TRIM44: variants seen among roughly 807,000 people sequenced by gnomAD.
TRIM44 encodes the protein tripartite motif containing 44.
Under a neutral mutation model 37.4 loss-of-function variants are expected in TRIM44, and 13 were observed. The observed-to-expected ratio is 0.35, with a 90% CI of 0.23 to 0.55. The LOEUF is 0.55. Ranked by LOEUF, TRIM44 falls within the 20% of genes least tolerant of loss-of-function variation. TRIM44 has a pLI of 0.89. For missense variants in TRIM44, 426 were observed against 437.2 expected, an observed-to-expected ratio of 0.97 and a Z score of 0.23; for synonymous variants, 175 against 157.2, an observed-to-expected ratio of 1.11 and a Z score of -0.85.
chr11:35,719,363 G>T (rs1402176957), intron 2 of TRIM44, among the ~76,000 whole-genome samples: 2 of 151,950 alleles, frequency 1.3e-5, no homozygotes, highest in East Asian at 1.9e-4. Flanking sequence ...GTGCTTATTT[G>T]CCATCTGCAT....
intron 2 of TRIM44, among the ~76,000 whole-genome samples, chr11:35,725,029 TAA>T (rs1490853673): frequency 6.7e-6 from 1 of 150,170 alleles, no homozygotes; most frequent in African/African-American, 2.5e-5. Flanking sequence ...GTACTTCCAT[TAA>T]GAGAGGAATG....
rs530642481 is a variant in TRIM44 at position 35,749,840 on chromosome 11, T to G, written c.1007+14395T>G. ...TTGGGAGCTTGACTGACACAGTAAT[T>G]ATGCTGGAAAATGTAATTTTGCCTC... On this transcript the variant is annotated intron_variant, in intron 4 of 4. Transcript: ENST00000299413. Among the ~76,000 whole-genome samples the G allele has an allele frequency of 5.9e-5, 9 of 152,344 alleles. No individual in the cohort carries two copies. The South Asian group carries it at 6.2e-4, about 11-fold the overall frequency.
Position 35,760,184 on chromosome 11 carries a change from C to A in TRIM44, c.1007+24739C>A, listed in dbSNP as rs191211081. 9.8e-4 allele frequency among the ~76,000 whole-genome samples: 150 copies of A among 152,324 alleles called. 1 individual carries two copies. The highest frequency in any genetic ancestry group is 3.4e-3 in the Middle Eastern group (1 of 294). On this transcript the variant is annotated intron_variant, in intron 4 of 4. Transcript: ENST00000299413. The stretch of plus-strand genomic sequence containing the variant: ...CCGCTTTGTTTACCTACTCAAGCCT[C>A]GGTAATGGCAGGTGCCCCTCCCCCA...
rs1590621630 is a variant in TRIM44 at position 35,817,399 on chromosome 11, G to T, written c.*11014G>T. The T allele has an allele frequency of 6.6e-6, 1 of 152,172 alleles. No individual in the cohort carries two copies. The highest frequency in any genetic ancestry group is 6.5e-5 in the Admixed American group (1 of 15,284). The allele number at this position is 152,172 out of a possible 1,614,324, so 9.4% of individuals were successfully genotyped here. ...ACATGCGCCTAAAATGACGGGTAGG[G>T]TCAGAGACATTGGAGGATCTCTCTT... is the stretch of plus-strand genomic sequence containing the variant. On this transcript the variant is annotated 3_prime_UTR_variant, in exon 5 of 5. Transcript: ENST00000299413.
intron 2 of TRIM44, among the ~76,000 whole-genome samples, chr11:35,698,238 A>G (rs562625949): frequency 4.1e-4 from 60 of 146,616 alleles, no homozygotes; most frequent in Middle Eastern, 3.7e-3. Context: ...TAGTGCCACA[A>G]TAAACATACA....
chr11:35,663,007 G>C lies in TRIM44; in HGVS notation c.-105G>C, dbSNP rs1851287323. On this transcript the variant is annotated 5_prime_UTR_variant, in exon 1 of 5. Transcript: ENST00000299413. ...ACGCGGCGCGGTCCAGGCGGGAGGC[G>C]ACTCCCTAGGAAGGGACCCGGGGCG... 3 of 1,416,050 alleles carry C rather than the reference G, an allele frequency of 2.1e-6. No individual in the cohort carries two copies. Among genetic ancestry groups the C allele is most frequent in the Non-Finnish European group, 2.8e-6 (3 of 1,090,624 alleles). 87.7% of individuals were successfully genotyped at this position (1,416,050 alleles called of 1,614,324 possible). A position where few individuals can be genotyped will look rare whatever the true frequency, so the allele number is the denominator to read the frequency against.
At chr11:35,701,259 GT>G (rs930103670) in intron 2 of TRIM44, among the ~76,000 whole-genome samples, 77 of 151,934 alleles carry the variant, frequency 5.1e-4, no homozygotes, top group African/African-American at 1.5e-3. Context: ...AAACAGGTCT[GT>G]TTTTTTTCCC....
intron 4 of TRIM44, among the ~76,000 whole-genome samples, chr11:35,768,427 TTCTG>T (rs1218770424): frequency 6.6e-6 from 1 of 152,132 alleles, no homozygotes; most frequent in East Asian, 1.9e-4. Flanking sequence ...CTCAACCCAG[TTCTG>T]TCTGTTTCCA....
At chr11:35,755,688 G>A (rs1285558668) in intron 4 of TRIM44, among the ~76,000 whole-genome samples, 4 of 152,150 alleles carry the variant, frequency 2.6e-5, no homozygotes, top group Non-Finnish European at 4.4e-5. Flanking sequence ...TGTATAAGGT[G>A]TAAGGAAGGG....
rs550159922 is a variant in TRIM44 at position 35,716,831 on chromosome 11, G to A, written c.748-9093G>A. ...ATCAAACTATTTGGGTTTAAAATCT[G>A]CTACGTACTGTATGCCTGAATTTGG... On this transcript the variant is annotated intron_variant, in intron 2 of 4. Transcript: ENST00000299413. Among the ~76,000 whole-genome samples, 110 of 152,294 alleles carry A rather than the reference G, an allele frequency of 7.2e-4. 5 individuals are homozygous for A. The South Asian group carries it at 0.019, about 27-fold the overall frequency.
chr11:35,703,681 A>G (rs981880846), intron 2 of TRIM44, among the ~76,000 whole-genome samples: 17 of 152,344 alleles, frequency 1.1e-4, no homozygotes, highest in Admixed American at 2.0e-4. Flanking sequence ...GCAAACTCCA[A>G]CAGACCTGCA....
At chr11:35,701,196 C>G (rs1851783077) in intron 2 of TRIM44, among the ~76,000 whole-genome samples, 1 of 152,090 alleles carries the variant, frequency 6.6e-6, no homozygotes, top group Non-Finnish European at 1.5e-5. Context: ...AGGAACAGAG[C>G]CTTAGATTTT....
intron 1 of TRIM44, among the ~76,000 whole-genome samples, chr11:35,681,638 C>T (rs1247969388): frequency 6.6e-6 from 1 of 152,160 alleles, no homozygotes; most frequent in Non-Finnish European, 1.5e-5. Context: ...ACAATCATTT[C>T]TAAAAATGGA....
intron 4 of TRIM44, among the ~76,000 whole-genome samples, chr11:35,755,100 G>A (rs139630747): frequency 0.041 from 6,289 of 152,126 alleles, 323 homozygotes; most frequent in East Asian, 0.14. Context: ...ACAGTGGTTG[G>A]ACTAGTTTAC....
intron 4 of TRIM44, among the ~76,000 whole-genome samples, chr11:35,775,858 T>G (rs1490465250): frequency 6.6e-6 from 1 of 152,242 alleles, no homozygotes. Flanking sequence ...GATGTGCTGC[T>G]GGATTCGGTT....
intron 2 of TRIM44, among the ~76,000 whole-genome samples, chr11:35,694,740 G>A (rs756299461): frequency 6.6e-6 from 1 of 151,746 alleles, no homozygotes. Flanking sequence ...AGAGTGAGGA[G>A]GGACCCTTCT....
At chr11:35,690,060 G>C (rs1356674227) in intron 2 of TRIM44, among the ~76,000 whole-genome samples, 4 of 152,096 alleles carry the variant, frequency 2.6e-5, no homozygotes, top group Non-Finnish European at 5.9e-5. Flanking sequence ...GAGCCAAGTG[G>C]CTCACATTGT....
At chr11:35,706,761 C>T (rs1851889647) in intron 2 of TRIM44, among the ~76,000 whole-genome samples, 2 of 151,844 alleles carry the variant, frequency 1.3e-5, no homozygotes, top group South Asian at 4.2e-4. Flanking sequence ...TGGGACATAT[C>T]TCAAAATAAT....
intron 1 of TRIM44, among the ~76,000 whole-genome samples, chr11:35,679,873 A>G (rs1385665943): frequency 6.6e-6 from 1 of 152,182 alleles, no homozygotes; most frequent in South Asian, 2.1e-4. Context: ...ACAGAAACCC[A>G]GGGATGTAAA....
Sources: allele counts gnomAD v4.1 joint callset (sites outside exome capture counted in the v4.1 genomes callset), GRCh38; gene constraint gnomAD v4.1.1; transcripts MANE v1.5; gene names NCBI Gene and HGNC (gene_info 2026-07-23, HGNC 2026-07-21).